PCSK7: variants seen among roughly 807,000 people sequenced by gnomAD.
PCSK7 encodes proprotein convertase subtilisin/kexin type 7.
Under a neutral mutation model 73.3 loss-of-function variants are expected in PCSK7, and 38 were observed. That is an observed-to-expected ratio of 0.52 (90% confidence interval 0.40 to 0.68). The LOEUF is 0.68. Among genes scored for constraint, PCSK7 ranks in the 30% least tolerant of loss-of-function variants. PCSK7 has a pLI of 0.00. For missense variants in PCSK7, 692 were observed against 991.5 expected (o/e 0.70, Z 4.06); for synonymous variants, 296 against 383.8 (o/e 0.77, Z 2.68).
rs753452966 is a variant in PCSK7, at chr11:117,204,389, C to T, written c.*1608G>A. The T allele has an allele frequency of 1.2e-6, 2 of 1,613,990 alleles. No homozygotes were observed. The highest frequency in any genetic ancestry group is 1.7e-6 in the Non-Finnish European group (2 of 1,179,970). Reference sequence around the variant, plus strand: ...GAGAGGGCTAGCCCTGAGCCCGGCCCTCCCCCAGCTCCTTGGCTGCAGCCA... The same window carrying T: ...GAGAGGGCTAGCCCTGAGCCCGGCCTTCCCCCAGCTCCTTGGCTGCAGCCA... On this transcript the variant is annotated 3_prime_UTR_variant, in exon 17 of 17. Transcript: ENST00000320934.
At chr11:117,223,640 G>T in intron 8 of PCSK7, 1 of 377,166 alleles carries the variant, frequency 2.7e-6, no homozygotes. Context: ...CCCGTGCCAG[G>T]CATCAGGGCC....
In PCSK7 at chr11:117,204,359, G is replaced by A. The variant is rs547690303; in HGVS notation, c.*1638C>T. ...GACGACCTCGGCAGATCATCAGTTA[G>A]AGCGGAGAGGGCTAGCCCTGAGCCC... On this transcript the variant is annotated 3_prime_UTR_variant, in exon 17 of 17. Coordinates refer to ENST00000320934, the MANE Select transcript of PCSK7 (RefSeq NM_004716.4). The A allele has an allele frequency of 6.2e-7, 1 of 1,614,238 alleles. No homozygotes were observed. Among genetic ancestry groups the A allele is most frequent in the Non-Finnish European group, 8.5e-7 (1 of 1,180,038 alleles).
rs1425754210 is a variant in PCSK7 at position 117,219,684 on chromosome 11, A to C, written c.1230T>G (p.Pro410=). 17 of 1,612,020 alleles carry C rather than the reference A, an allele frequency of 1.1e-5. No homozygotes were observed. Among genetic ancestry groups the C allele is most frequent in the Non-Finnish European group, 1.4e-5 (16 of 1,179,192 alleles). The change falls in exon 10 of 17, where the codon CCT becomes CCG. Residue 410 remains proline (P), a synonymous_variant. Transcript: ENST00000320934. ...TTAAGGCTATCATGCCAGCTGCCAG[A>C]GGCGCTGCAGCTGAGGTCCCTGTGT... The part of the protein sequence containing the change: ...EGHTGTSAAA[P]LAAGMIALML...
chr11:117,227,187 C>T lies in PCSK7; in HGVS notation c.739G>A (p.Val247Met), dbSNP rs760392010. 9.3e-6 allele frequency: 15 copies of T among 1,608,458 alleles called. No individual in the cohort carries two copies. Among genetic ancestry groups the T allele is most frequent in the African/African-American group, 1.3e-5 (1 of 74,628 alleles). The change falls in exon 5 of 17, where the codon GTG becomes ATG. Residue 247 changes from valine (V) to methionine (M), a missense_variant. Coordinates refer to ENST00000320934, the MANE Select transcript of PCSK7 (RefSeq NM_004716.4). ...AAVPNNSFCA[V>M]GVAYGSRIAG... The stretch of plus-strand genomic sequence containing the variant: ...ATGCGGCTCCCGTAGGCCACGCCCA[C>T]GGCACAGAAGCTGTTGTTGGGCACA...
At chr11:117,211,372 C>G (rs1253905879) in intron 12 of PCSK7, 1 of 152,352 alleles carries the variant, frequency 6.6e-6, no homozygotes, top group African/African-American at 2.4e-5. Flanking sequence ...GCCTTGGCCT[C>G]CCAAAGTGCT....
intron 9 of PCSK7, 120 bp from the exon 10 acceptor site, chr11:117,219,878 G>C (rs2032126132): frequency 1.5e-6 from 1 of 649,336 alleles, no homozygotes; most frequent in South Asian, 2.4e-5. Flanking sequence ...TTGAGCACAG[G>C]AGTTATGACT....
intron 9 of PCSK7, chr11:117,222,782 G>A (rs1447647007): frequency 6.2e-6 from 1 of 161,690 alleles, no homozygotes; most frequent in Non-Finnish European, 1.3e-5. Flanking sequence ...AAGTAGCTGG[G>A]ATTACAGATG....
In PCSK7 at chr11:117,230,414, G is replaced by A. The variant is rs2032600102; in HGVS notation, c.-78C>T. ...ACGTCACACTCATGTTGTGCAAATG[G>A]AGAAAAGGCATCACTTTCACTGTGA... On this transcript the variant is annotated 5_prime_UTR_variant, in exon 2 of 17. Coordinates refer to ENST00000320934, the MANE Select transcript of PCSK7 (RefSeq NM_004716.4). 6.6e-6 allele frequency: 1 copy of A among 152,628 alleles called. No homozygotes were observed. The highest frequency in any genetic ancestry group is 1.5e-5 in the Non-Finnish European group (1 of 68,428). 9.5% of individuals were successfully genotyped at this position (152,628 alleles called of 1,614,324 possible).
At chr11:117,212,899 A>G (rs1397903223) in intron 12 of PCSK7, 2 of 151,916 alleles carry the variant, frequency 1.3e-5, no homozygotes. Flanking sequence ...ATTTTTTTGT[A>G]GAGACAAGGT....
rs1393982599 is a variant in PCSK7 at position 117,227,457 on chromosome 11, T to A, written c.604-135A>T. 3 of 734,116 alleles carry A rather than the reference T, an allele frequency of 4.1e-6. No individual in the cohort carries two copies. In the Admixed American group the frequency reaches 7.0e-5, roughly 17 times the overall value. The allele number at this position is 734,116 out of a possible 1,614,324, so 45.5% of individuals were successfully genotyped here. ...TAAGCTCATTTCTCATCGTTTCTGT[T>A]TTTGAGATGGAGTCTCACTCTGTTG... is the stretch of plus-strand genomic sequence containing the variant. On this transcript the variant is annotated intron_variant, in intron 4 of 16. Transcript: ENST00000320934.
chr11:117,227,143 G>A lies in PCSK7; in HGVS notation c.769+14C>T. On this transcript the variant is annotated intron_variant, in intron 5 of 16. Transcript: ENST00000320934. ...GGAGCAGCCTACCAAGGCTAGGCTG[G>A]AGGCACAAGTTACCTGCGATGCGGC... The A allele has an allele frequency of 6.3e-7, 1 of 1,589,722 alleles. No individual in the cohort carries two copies. The highest frequency in any genetic ancestry group is 8.6e-7 in the Non-Finnish European group (1 of 1,167,844).
Position 117,204,460 on chromosome 11 carries a change from C to T in PCSK7, c.*1537G>A, listed in dbSNP as rs1413549469. ...CCACACCCGTGTGGTACCTTCAGCC[C>T]TGGCCAAGCTTTGAGGCTCTGTCAC... On this transcript the variant is annotated 3_prime_UTR_variant, in exon 17 of 17. Coordinates refer to ENST00000320934, the MANE Select transcript of PCSK7 (RefSeq NM_004716.4). The T allele has an allele frequency of 2.6e-6, 4 of 1,562,638 alleles. No homozygotes were observed. Among genetic ancestry groups the T allele is most frequent in the South Asian group, 2.3e-5 (2 of 87,302 alleles).
intron 1 of PCSK7, among the ~76,000 whole-genome samples, chr11:117,230,700 C>A (rs1461080746): frequency 6.6e-6 from 1 of 152,152 alleles, no homozygotes; most frequent in Non-Finnish European, 1.5e-5. Flanking sequence ...TTTTGTTCCC[C>A]AGAGGCCTAG....
chr11:117,213,408 G>A (rs559820905), intron 12 of PCSK7: 69 of 152,304 alleles, frequency 4.5e-4, no homozygotes, highest in African/African-American at 1.4e-3. Flanking sequence ...GAACGGTGAC[G>A]GCACTGACAC....
Position 117,227,093 on chromosome 11 carries a change from G to A in PCSK7, c.769+64C>T, listed in dbSNP as rs544939060. 132 of 1,297,294 alleles carry A rather than the reference G, an allele frequency of 1.0e-4. 1 individual carries two copies. The African/African-American group carries it at 1.4e-3, about 14-fold the overall frequency. 80.4% of individuals were successfully genotyped at this position (1,297,294 alleles called of 1,614,324 possible). On this transcript the variant is annotated intron_variant, in intron 5 of 16. Transcript: ENST00000320934. Reference sequence around the variant, plus strand: ...AAGATGTTTCAGAGTAGGGAGGGGTGCAGGAAATGAAGACTGTGGTCACAG... The same window carrying A: ...AAGATGTTTCAGAGTAGGGAGGGGTACAGGAAATGAAGACTGTGGTCACAG...
In PCSK7 at chr11:117,206,272, A is replaced by G; in HGVS notation, c.2083T>C (p.Ser695Pro). The G allele has an allele frequency of 6.2e-7, 1 of 1,614,126 alleles. No individual in the cohort carries two copies. The highest frequency in any genetic ancestry group is 1.3e-5 in the African/African-American group (1 of 75,020). Reference sequence around the variant, plus strand: ...GGTCCACTCCTACAAACTTGATTGGAAGCCACATTCCTCTGGCTCAAATAT... The same window carrying G: ...GGTCCACTCCTACAAACTTGATTGGGAGCCACATTCCTCTGGCTCAAATAT... ...EVYLSQRNVA[S>P]NQVCRSGPCH... The change falls in exon 17 of 17, where the codon TCC becomes CCC. Residue 695 changes from serine to proline, a missense_variant. By Grantham distance (74) the Ser-to-Pro change is moderately conservative. Coordinates refer to ENST00000320934, the MANE Select transcript of PCSK7 (RefSeq NM_004716.4).
chr11:117,225,055 C>CTTTTTTTT (rs571538440), intron 6 of PCSK7: 44 of 134,362 alleles, frequency 3.3e-4, no homozygotes, highest in Non-Finnish European at 4.9e-4. Context: ...ACATGTAGAC[C>CTTTTTTTT]TTTTTTTTTT....
rs373916308 is a variant in PCSK7, at chr11:117,219,151, C to T, written c.1337G>A (p.Arg446His). The change falls in exon 11 of 17, where the codon CGT (arginine) becomes CAT (histidine). Residue 446 changes from arginine to histidine, a missense_variant. By Grantham distance (29) the Arg-to-His change is conservative. Around this residue, in one of 6 missense-constraint regions of PCSK7, gnomAD observed 574 missense variants for 689.8 expected, o/e 0.83. Coordinates refer to ENST00000320934, the MANE Select transcript of PCSK7 (RefSeq NM_004716.4). ...TGCCTCGTTGGTGACCCACTCTGCA[C>T]GGCGATCCTCATACTGAAAGGACAG... ...VFTATRYEDR[R>H]AEWVTNEAGF... 2.9e-5 allele frequency: 46 copies of T among 1,608,844 alleles called. No individual in the cohort carries two copies. The highest frequency in any genetic ancestry group is 1.2e-4 in the Admixed American group (7 of 59,910).
intron 1 of PCSK7, chr11:117,231,059 A>G (rs1360594130): frequency 2.2e-5 from 1 of 45,906 alleles, no homozygotes; most frequent in Non-Finnish European, 4.1e-5. Context: ...GGAGCCCTCA[A>G]AAAAAAAAAA....
Sources: allele counts gnomAD v4.1 joint callset (sites outside exome capture counted in the v4.1 genomes callset), GRCh38; gene constraint gnomAD v4.1.1; regional missense constraint gnomAD v4.1.1; transcripts MANE v1.5; gene names NCBI Gene and HGNC (gene_info 2026-07-23, HGNC 2026-07-21).